The following HPX variants were observed in gnomAD, a reference collection of about 807,000 sequenced individuals.
HPX encodes the protein hemopexin, also known as beta-1B-glycoprotein.
A neutral mutation model predicts 53.8 loss-of-function variants in HPX; 42 were observed. The observed-to-expected ratio is 0.78, with a 90% CI of 0.61 to 1.01. The LOEUF (loss-of-function observed/expected upper bound fraction) is 1.01, where lower values mean the gene tolerates loss of function less well. Ranked by LOEUF, HPX falls within the 50% of genes least tolerant of loss-of-function variation. The probability of loss-of-function intolerance (pLI) is 0.00; values close to 1 mark genes in which losing one functional copy is unlikely to be tolerated. For synonymous variants in HPX, 229 were observed against 221.1 expected (o/e 1.04, Z -0.32); for missense variants, 547 against 594.3 (o/e 0.92, Z 0.83).
chr11:6,437,770 CAGAGA>C, intron 5 of HPX, 118 bp from the exon 6 acceptor site: 3 of 737,954 alleles, frequency 4.1e-6, no homozygotes, highest in Non-Finnish European at 7.0e-6. Flanking sequence ...TCACAGCCAT[CAGAGA>C]GATGGCTAAA....
intron 7 of HPX, among the ~76,000 whole-genome samples, chr11:6,433,040 C>T (rs998469631): frequency 1.3e-5 from 2 of 152,130 alleles, no homozygotes; most frequent in Non-Finnish European, 2.9e-5. Flanking sequence ...TGATTTCTGC[C>T]CCCCACCAAC....
chr11:6,437,786 G>A (rs1849436546), intron 5 of HPX, 134 bp from the exon 6 acceptor site: 4 of 688,112 alleles, frequency 5.8e-6, no homozygotes, highest in South Asian at 5.1e-5. Flanking sequence ...GATGGCTAAA[G>A]GAGGGTGATC....
Position 6,440,271 on chromosome 11 carries a change from T to C in HPX, c.230A>G (p.Lys77Arg). ...MLFFKGEFVW[K>R]SHKWDRELIS... is the part of the protein sequence containing the mutation. The stretch of plus-strand genomic sequence containing the variant: ...TAACTCCCGGTCCCATTTGTGACTC[T>C]TCCACACAAACTCCCCTGAAAAAAC... The change falls in exon 4 of 10, where the codon AAG becomes AGG. Residue 77 changes from lysine to arginine, a missense_variant. Transcript: ENST00000265983. 2 of 1,613,966 alleles carry C rather than the reference T, an allele frequency of 1.2e-6. No individual in the cohort carries two copies. Among genetic ancestry groups the C allele is most frequent in the Non-Finnish European group, 1.7e-6 (2 of 1,179,990 alleles).
At chr11:6,436,044 A>T (rs1014914934) in intron 7 of HPX, among the ~76,000 whole-genome samples, 1 of 151,874 alleles carries the variant, frequency 6.6e-6, no homozygotes, top group Non-Finnish European at 1.5e-5. Flanking sequence ...CTTGATACTT[A>T]TGTGTTCTTA....
chr11:6,439,958 C>G (rs1023397947), intron 4 of HPX: 21 of 642,184 alleles, frequency 3.3e-5, no homozygotes, highest in Non-Finnish European at 4.8e-5. Flanking sequence ...AAGACTAGGA[C>G]TGAAGAACAG....
rs1255523852 is a variant in HPX, at chr11:6,431,878, A to C, written c.966+9T>G. The stretch of plus-strand genomic sequence containing the variant: ...AGTCTCTACCTCAAGCCTCTCCCCC[A>C]ATACACACCTGGACCAGATAGAGTT... On this transcript the variant is annotated intron_variant, in intron 8 of 9. Transcript: ENST00000265983. The C allele has an allele frequency of 6.2e-7, 1 of 1,613,978 alleles. No individual in the cohort carries two copies. Among genetic ancestry groups the C allele is most frequent in the Non-Finnish European group, 8.5e-7 (1 of 1,180,028 alleles).
intron 7 of HPX, among the ~76,000 whole-genome samples, chr11:6,435,402 C>G (rs1414681317): frequency 6.8e-6 from 1 of 147,002 alleles, no homozygotes; most frequent in Non-Finnish European, 1.5e-5. Context: ...TGCATTCTCA[C>G]CTCAGCTAGG....
At chr11:6,438,187 T>G (rs1849440707) in intron 5 of HPX, 169 bp downstream of exon 5, 4 of 690,232 alleles carry the variant, frequency 5.8e-6, no homozygotes, top group Non-Finnish European at 1.0e-5. Flanking sequence ...AATGACTTCC[T>G]CTCCTTCCCT....
At position 6,432,203 on chromosome 11, in the gene HPX, C is replaced by T. The variant is rs7933782; in HGVS notation, c.836-186G>A. ...AGCAATGTTGGGCACTGTGCCCTGG[C>T]TGAAACTGGAATCAGCAGGTGCCTG... On this transcript the variant is annotated intron_variant, in intron 7 of 9. Coordinates refer to ENST00000265983, the MANE Select transcript of HPX (RefSeq NM_000613.3). 6,604 of 642,528 alleles carry T rather than the reference C, an allele frequency of 0.01. 305 individuals carry two copies. In the African/African-American group the frequency reaches 0.1, roughly 10 times the overall value. 39.8% of individuals were successfully genotyped at this position (642,528 alleles called of 1,614,324 possible). A position where few individuals can be genotyped will look rare whatever the true frequency, so the allele number is the denominator to read the frequency against.
chr11:6,435,964 T>A lies in HPX; in HGVS notation c.835+1082A>T, dbSNP rs1323804272. Reference sequence around the variant, plus strand: ...TGTTTTCACAATCTCTCACTCACTCTCTCTCTCTTTCTGCATTTCACTTTG... The same window carrying A: ...TGTTTTCACAATCTCTCACTCACTCACTCTCTCTTTCTGCATTTCACTTTG... On this transcript the variant is annotated intron_variant, in intron 7 of 9. Coordinates refer to ENST00000265983, the MANE Select transcript of HPX (RefSeq NM_000613.3). 2.6e-5 allele frequency among the ~76,000 whole-genome samples: 4 copies of A among 152,304 alleles called. No homozygotes were observed. The East Asian group carries it at 7.7e-4, about 29-fold the overall frequency.
chr11:6,440,517 C>G lies in HPX; in HGVS notation c.164G>C (p.Ser55Thr), dbSNP rs779229285. 1 of 1,562,872 alleles carries G rather than the reference C, an allele frequency of 6.4e-7. No individual in the cohort carries two copies. Among genetic ancestry groups the G allele is most frequent in the Non-Finnish European group, 8.7e-7 (1 of 1,154,612 alleles). Residue 55 changes from serine (S) to threonine (T), a missense_variant, in exon 3 of 10, where the codon AGC becomes ACC. Coordinates refer to ENST00000265983, the MANE Select transcript of HPX (RefSeq NM_000613.3). Reference sequence around the variant, plus strand: ...GTCATCCAGGGTGGTAGCATCAAAGCTCCAGCCATCTGAGCAGCGTTCTGG... The same window carrying G: ...GTCATCCAGGGTGGTAGCATCAAAGGTCCAGCCATCTGAGCAGCGTTCTGG... ...DVTERCSDGW[S>T]FDATTLDDNG...
chr11:6,436,039 T>C (rs1025347017), intron 7 of HPX, among the ~76,000 whole-genome samples: 1 of 152,234 alleles, frequency 6.6e-6, no homozygotes, highest in African/African-American at 2.4e-5. Context: ...GTTCTCTTGA[T>C]ACTTATGTGT....
At chr11:6,432,170 A>G (rs1342536946) in intron 7 of HPX, 153 bp from the exon 8 acceptor site, 1 of 803,274 alleles carries the variant, frequency 1.2e-6, no homozygotes, top group Non-Finnish European at 2.0e-6. Context: ...ATAGAGCAAG[A>G]CTTGGTCAGC....
At chr11:6,432,146 G>C (rs1042146330) in intron 7 of HPX, 129 bp from the exon 8 acceptor site, 1 of 1,002,942 alleles carries the variant, frequency 1.0e-6, no homozygotes, top group African/African-American at 1.6e-5. Flanking sequence ...GAAGAGGCCA[G>C]GTGAGAAGGA....
At chr11:6,433,182 T>C (rs1849371402) in intron 7 of HPX, among the ~76,000 whole-genome samples, 1 of 152,212 alleles carries the variant, frequency 6.6e-6, no homozygotes, top group Non-Finnish European at 1.5e-5. Flanking sequence ...CATTCATTCA[T>C]TCATTTATTT....
At position 6,431,943 on chromosome 11, in the gene HPX, C is replaced by G. The variant is rs866691413; in HGVS notation, c.910G>C (p.Gly304Arg). The change falls in exon 8 of 10, where the codon GGT becomes CGT. Residue 304 changes from glycine (G) to arginine (R), a missense_variant. Gly to Arg is a moderately radical substitution (Grantham distance 125). Coordinates refer to ENST00000265983, the MANE Select transcript of HPX (RefSeq NM_000613.3). The part of the protein sequence containing the change: ...SWPIAHQWPQ[G>R]PSAVDAAFSW... Reference sequence around the variant, plus strand: ...AAGGCAGCATCCACTGCTGAAGGACCCTGGGGCCACTGATGAGCAATGGGC... The same window carrying G: ...AAGGCAGCATCCACTGCTGAAGGACGCTGGGGCCACTGATGAGCAATGGGC... The G allele has an allele frequency of 2.0e-5, 32 of 1,614,070 alleles. No homozygotes were observed. Among genetic ancestry groups the G allele is most frequent in the Admixed American group, 3.3e-5 (2 of 59,996 alleles).
At chr11:6,436,820 G>A (rs1348789663) in intron 7 of HPX, among the ~76,000 whole-genome samples, 3 of 152,212 alleles carry the variant, frequency 2.0e-5, no homozygotes, top group Non-Finnish European at 4.4e-5. Context: ...CACAGCCATG[G>A]GAGTAGATGG....
At position 6,440,687 on chromosome 11, in the gene HPX, C is replaced by A. The variant is rs750589555; in HGVS notation, c.127G>T (p.Asp43Tyr). 3.1e-6 allele frequency: 5 copies of A among 1,612,426 alleles called. No homozygotes were observed. In the Admixed American group the frequency reaches 8.3e-5, roughly 27 times the overall value. The change falls in exon 2 of 10, where the codon GAC (aspartate) becomes TAC (tyrosine). Residue 43 changes from aspartate (D) to tyrosine (Y), a missense_variant. By Grantham distance (160) the Asp-to-Tyr change is radical (BLOSUM62 -3). Transcript: ENST00000265983. ...AGGGCCTCACCAGTCACGTCTGGGT[C>A]TGGCTTGGTCTCGCCTTCAGCAACA... ...GNVAEGETKP[D>Y]PDVTERCSDG...
chr11:6,436,463 T>C (rs373292637), intron 7 of HPX, among the ~76,000 whole-genome samples: 39 of 152,262 alleles, frequency 2.6e-4, no homozygotes, highest in African/African-American at 8.7e-4. Context: ...GGTATCTCCA[T>C]TGGCTACTCA....
Sources: gnomAD v4.1 joint callset for allele counts (sites outside exome capture counted in the v4.1 genomes callset) on GRCh38, gnomAD v4.1.1 for gene constraint, MANE v1.5 for transcripts, NCBI Gene and HGNC (gene_info 2026-07-23, HGNC 2026-07-21) for gene names.